The following CDH18 variants were observed in gnomAD, a reference collection of about 807,000 sequenced individuals.
The protein encoded by CDH18 is cadherin 18, also known as cadherin-18.
Under a neutral mutation model 67.9 loss-of-function variants are expected in CDH18, and 31 were observed. That is an observed-to-expected ratio of 0.46 (90% CI 0.34 to 0.62). CDH18 has a LOEUF of 0.62. Ranked by LOEUF, CDH18 falls within the 20% of genes least tolerant of loss-of-function variation. The probability of loss-of-function intolerance (pLI) is 0.01; values close to 1 mark genes in which losing one functional copy is unlikely to be tolerated. For missense variants in CDH18, 890 were observed against 975.5 expected, an observed-to-expected ratio of 0.91 and a Z score of 1.17; for synonymous variants, 362 against 347.2, an observed-to-expected ratio of 1.04 and a Z score of -0.48.
chr5:19,989,257 C>A (rs547016985), upstream of CDH18, among the ~76,000 whole-genome samples: 3 of 152,244 alleles, frequency 2.0e-5, no homozygotes, highest in African/African-American at 7.2e-5. Context: ...TTGTACAAGA[C>A]CCTCCATCAT....
chr5:19,969,160 G>A (rs374179205), intron 2 of CDH18, among the ~76,000 whole-genome samples: 2 of 148,516 alleles, frequency 1.3e-5, no homozygotes, highest in Non-Finnish European at 2.9e-5. Flanking sequence ...TCTCACACCA[G>A]TTAGAATGGC....
chr5:20,268,638 G>A (rs1046606464), intron 1 of CDH18, among the ~76,000 whole-genome samples: 1 of 152,028 alleles, frequency 6.6e-6, no homozygotes, highest in African/African-American at 2.4e-5. Context: ...GAGGTGGGAG[G>A]ATCATGAGTC....
At chr5:20,533,092 T>C (rs1756515073) in intron 1 of CDH18, among the ~76,000 whole-genome samples, 1 of 151,930 alleles carries the variant, frequency 6.6e-6, no homozygotes, top group African/African-American at 2.4e-5. Flanking sequence ...GAGAGAAAAT[T>C]TGGAAACAGA....
At chr5:20,032,965 A>T (rs1561732550) in intron 2 of CDH18, among the ~76,000 whole-genome samples, 1 of 151,982 alleles carries the variant, frequency 6.6e-6, no homozygotes, top group Non-Finnish European at 1.5e-5. Flanking sequence ...AAGCTCTATT[A>T]CTTTAAGTTG....
intron 11 of CDH18, among the ~76,000 whole-genome samples, chr5:19,493,742 ATC>A (rs1343300657): frequency 2.6e-5 from 4 of 152,152 alleles, no homozygotes; most frequent in Non-Finnish European, 4.4e-5. Flanking sequence ...TAAATGTTTA[ATC>A]ACATTAGTTT....
At chr5:19,890,132 T>A (rs1788631909) in intron 2 of CDH18, among the ~76,000 whole-genome samples, 1 of 152,132 alleles carries the variant, frequency 6.6e-6, no homozygotes, top group African/African-American at 2.4e-5. Context: ...CTTGGCAGAT[T>A]CATGCTCCTG....
At chr5:20,555,505 C>T (rs921362367) in intron 1 of CDH18, among the ~76,000 whole-genome samples, 12 of 139,134 alleles carry the variant, frequency 8.6e-5, no homozygotes, top group African/African-American at 2.7e-4. Context: ...AGTGCAGTGG[C>T]GCAATCTCCG....
At chr5:20,159,004 G>C (rs1245616086) in intron 2 of CDH18, 1 of 156,844 alleles carries the variant, frequency 6.4e-6, no homozygotes, top group Non-Finnish European at 1.5e-5. Context: ...TTTGATAACA[G>C]AAAGGGGCTA....
intron 1 of CDH18, among the ~76,000 whole-genome samples, chr5:20,557,767 A>G (rs1757982667): frequency 6.6e-6 from 1 of 152,078 alleles, no homozygotes; most frequent in Admixed American, 6.6e-5. Flanking sequence ...TTACTAAGGA[A>G]TAGAAATTAC....
intron 2 of CDH18, among the ~76,000 whole-genome samples, chr5:20,098,464 T>C (rs1746176203): frequency 6.6e-6 from 1 of 152,142 alleles, no homozygotes; most frequent in Non-Finnish European, 1.5e-5. Context: ...AAGGTTTTAC[T>C]CTTTGACCAA....
chr5:20,497,717 G>A (rs193208254), intron 1 of CDH18, among the ~76,000 whole-genome samples: 60 of 152,182 alleles, frequency 3.9e-4, no homozygotes, highest in African/African-American at 1.3e-3. Flanking sequence ...AAGAAATAAT[G>A]CATGAAAAAT....
At chr5:20,112,707 C>T (rs61160019) in intron 2 of CDH18, among the ~76,000 whole-genome samples, 6,186 of 151,948 alleles carry the variant, frequency 0.041, 435 homozygotes, top group African/African-American at 0.14. Flanking sequence ...AGGGAGACTC[C>T]GTCTCAAAAA....
chr5:20,518,385 G>A (rs1251318765), intron 1 of CDH18, among the ~76,000 whole-genome samples: 1 of 152,066 alleles, frequency 6.6e-6, no homozygotes, highest in African/African-American at 2.4e-5. Flanking sequence ...TGACACTAAG[G>A]TAGGAAATCA....
chr5:19,921,109 G>A (rs570641057), intron 2 of CDH18, among the ~76,000 whole-genome samples: 2 of 152,184 alleles, frequency 1.3e-5, no homozygotes, highest in South Asian at 4.1e-4. Context: ...ACAAAAAAAT[G>A]CACTTGAGGA....
At chr5:20,090,785 T>C (rs138953744) in intron 2 of CDH18, among the ~76,000 whole-genome samples, 1 of 152,002 alleles carries the variant, frequency 6.6e-6, no homozygotes, top group Non-Finnish European at 1.5e-5. Flanking sequence ...ATCCCAACAC[T>C]TTAGGAGGCC....
chr5:20,242,636 A>ATATATATATATACATATATATACATG (rs1743061887), intron 2 of CDH18, among the ~76,000 whole-genome samples: 15 of 58,346 alleles, frequency 2.6e-4, no homozygotes, highest in African/African-American at 1.3e-3. Flanking sequence ...ATATATATGT[A>ATATATATATATACATATATATACATG]TATATATATA....
chr5:20,044,846 G>T (rs1048574884), intron 2 of CDH18, among the ~76,000 whole-genome samples: 1 of 151,892 alleles, frequency 6.6e-6, no homozygotes, highest in African/African-American at 2.4e-5. Context: ...GATATTGGTG[G>T]ATTATTATAC....
intron 2 of CDH18, among the ~76,000 whole-genome samples, chr5:20,233,325 C>T (rs1207833958): frequency 6.6e-6 from 1 of 151,016 alleles, no homozygotes; most frequent in Non-Finnish European, 1.5e-5. Context: ...TTGTATCTTA[C>T]ACTGTTTTTC....
At chr5:19,718,796 G>A (rs1408983888) in intron 5 of CDH18, among the ~76,000 whole-genome samples, 4 of 151,964 alleles carry the variant, frequency 2.6e-5, no homozygotes, top group African/African-American at 9.7e-5. Flanking sequence ...AAGCTCTGAA[G>A]AAAGGAACAA....
Sources: gnomAD v4.1 joint callset for allele counts (sites outside exome capture counted in the v4.1 genomes callset) on GRCh38, gnomAD v4.1.1 for gene constraint, MANE v1.5 for transcripts, NCBI Gene and HGNC (gene_info 2026-07-23, HGNC 2026-07-21) for gene names.